Variants in CSTPP1 observed in about 807,000 individuals in gnomAD.
CSTPP1 encodes centriolar satellite-associated tubulin polyglutamylase complex regulator 1.
At chr11:47,024,796 T>C in the CSTPP1 span, among the ~76,000 whole-genome samples, 2 of 152,174 alleles carry the variant, frequency 1.3e-5, no homozygotes, top group Non-Finnish European at 2.9e-5. Flanking sequence ...CTGTGGTCTT[T>C]AATAATACAT....
the CSTPP1 span, among the ~76,000 whole-genome samples, chr11:47,093,598 A>G: frequency 6.6e-6 from 1 of 152,208 alleles, no homozygotes; most frequent in East Asian, 1.9e-4. Context: ...AACATAGCGT[A>G]ATGGTCAAGA....
chr11:47,002,491 G>A, the CSTPP1 span, among the ~76,000 whole-genome samples: 1 of 152,256 alleles, frequency 6.6e-6, no homozygotes, highest in Non-Finnish European at 1.5e-5. Context: ...AAACTATCCA[G>A]CAGCACTTGA....
the CSTPP1 span, among the ~76,000 whole-genome samples, chr11:47,038,793 T>C: frequency 3.2e-5 from 3 of 94,776 alleles, 1 homozygote; most frequent in Non-Finnish European, 7.4e-5. Flanking sequence ...GATGGGGCGG[T>C]TGCCGGGCGG....
the CSTPP1 span, among the ~76,000 whole-genome samples, chr11:47,026,885 C>T: frequency 6.6e-6 from 1 of 152,050 alleles, no homozygotes; most frequent in African/African-American, 2.4e-5. Context: ...CTCAAAAAAA[C>T]AAAACATAAA....
the CSTPP1 span, among the ~76,000 whole-genome samples, chr11:47,115,681 A>G: frequency 6.7e-6 from 1 of 148,296 alleles, no homozygotes; most frequent in South Asian, 2.1e-4. Flanking sequence ...TTTTTATTGC[A>G]TCTATTTGAT....
the CSTPP1 span, among the ~76,000 whole-genome samples, chr11:47,032,183 T>G: frequency 6.6e-6 from 1 of 152,192 alleles, no homozygotes; most frequent in Admixed American, 6.6e-5. Flanking sequence ...AATATTAACA[T>G]GACAAATATT....
the CSTPP1 span, among the ~76,000 whole-genome samples, chr11:47,060,044 C>T: frequency 6.7e-6 from 1 of 149,620 alleles, no homozygotes; most frequent in Non-Finnish European, 1.5e-5. Context: ...GTGGAGGTTG[C>T]AGTGAGCCAA....
chr11:47,161,997 G>GCAA, the CSTPP1 span: 2 of 1,030,690 alleles, frequency 1.9e-6, no homozygotes, highest in Non-Finnish European at 2.3e-6. Context: ...TCTCCTCACA[G>GCAA]CAACTCCATT....
chr11:46,998,230 C>T, the CSTPP1 span, among the ~76,000 whole-genome samples: 1 of 152,146 alleles, frequency 6.6e-6, no homozygotes, highest in African/African-American at 2.4e-5. Flanking sequence ...TATATTGTGC[C>T]ATTTTAGAAG....
chr11:47,108,810 G>A, the CSTPP1 span, among the ~76,000 whole-genome samples: 2,470 of 150,314 alleles, frequency 0.016, 41 homozygotes, highest in Admixed American at 0.062. Context: ...GGGTTCAAGC[G>A]ATTCTCTTAC....
chr11:46,963,784 C>CA, the CSTPP1 span, among the ~76,000 whole-genome samples: 14,990 of 105,120 alleles, frequency 0.14, 2,576 homozygotes, highest in African/African-American at 0.42. Context: ...GACTCTGTAT[C>CA]AAAAAAAAAA....
At chr11:46,974,003 T>C in the CSTPP1 span, among the ~76,000 whole-genome samples, 1 of 152,024 alleles carries the variant, frequency 6.6e-6, no homozygotes, top group Admixed American at 6.6e-5. Context: ...GGTGGGAAGA[T>C]TGCTTGAGGC....
At chr11:46,948,178 A>G in the CSTPP1 span, 1 of 456,218 alleles carries the variant, frequency 2.2e-6, no homozygotes, top group South Asian at 1.5e-5. Context: ...AGTAGGCAAC[A>G]CACAAAGAAG....
the CSTPP1 span, chr11:46,936,748 G>C: frequency 2.5e-6 from 4 of 1,600,788 alleles, no homozygotes; most frequent in African/African-American, 1.3e-5. Context: ...GGAGAGAGAC[G>C]GCAACCTGGG....
the CSTPP1 span, among the ~76,000 whole-genome samples, chr11:47,144,017 C>T: frequency 6.6e-6 from 1 of 152,160 alleles, no homozygotes; most frequent in Non-Finnish European, 1.5e-5. Flanking sequence ...CCCACCTGTG[C>T]CCCATTAACT....
chr11:47,163,882 G>C, the CSTPP1 span, among the ~76,000 whole-genome samples: 1 of 152,080 alleles, frequency 6.6e-6, no homozygotes, highest in South Asian at 2.1e-4. Flanking sequence ...CTAGCCTCAA[G>C]TGATCCACCC....
chr11:46,973,594 A>G, the CSTPP1 span, among the ~76,000 whole-genome samples: 1 of 152,152 alleles, frequency 6.6e-6, no homozygotes, highest in Admixed American at 6.5e-5. Context: ...CTTTTTATCC[A>G]TTGGGATAAA....
At chr11:46,957,456 T>C in the CSTPP1 span, among the ~76,000 whole-genome samples, 1 of 152,224 alleles carries the variant, frequency 6.6e-6, no homozygotes, top group African/African-American at 2.4e-5. Flanking sequence ...TTACCCTTGA[T>C]TGATAGTTTA....
chr11:47,124,726 CTT>C, the CSTPP1 span, among the ~76,000 whole-genome samples: 1 of 152,196 alleles, frequency 6.6e-6, no homozygotes, highest in South Asian at 2.1e-4. Flanking sequence ...TAAAACCAGA[CTT>C]TGTCTTTCAG....
Sources: gnomAD v4.1 joint callset for allele counts (sites outside exome capture counted in the v4.1 genomes callset) on GRCh38, gnomAD v4.1.1 for gene constraint, MANE v1.5 for transcripts, NCBI Gene and HGNC (gene_info 2026-07-23, HGNC 2026-07-21) for gene names.